The following COG5 variants were observed in gnomAD, a reference collection of about 807,000 sequenced individuals.
The protein encoded by COG5 is conserved oligomeric Golgi complex subunit 5.
COG5 carries 86 observed loss-of-function variants against 110.4 expected under a neutral mutation model. The ratio of observed to expected loss-of-function variants is 0.78; its 90% CI spans 0.65 to 0.93. The LOEUF is 0.93. Among genes scored for constraint, COG5 ranks in the 40% least tolerant of loss-of-function variants. The pLI, the probability that COG5 is intolerant of heterozygous loss-of-function variation, is 0.00. For synonymous variants in COG5, 360 were observed against 334.6 expected, an observed-to-expected ratio of 1.08 and a Z score of -0.83; for missense variants, 1,077 against 987.0, an observed-to-expected ratio of 1.09 and a Z score of -1.22.
At chr7:107,529,387 T>C (rs1161340680) in intron 5 of COG5, among the ~76,000 whole-genome samples, 1 of 152,240 alleles carries the variant, frequency 6.6e-6, no homozygotes, top group African/African-American at 2.4e-5. Flanking sequence ...CATTTCCTGA[T>C]GGTCCACGCC....
intron 10 of COG5, among the ~76,000 whole-genome samples, chr7:107,332,938 A>C (rs1291685688): frequency 1.3e-5 from 2 of 152,198 alleles, no homozygotes; most frequent in Non-Finnish European, 2.9e-5. Context: ...CCTGAAAAAG[A>C]AGCAGACACC....
rs182157680 is a variant in COG5, at chr7:107,236,752, C to T, written c.1854-65G>A. ...TAAATCACACTCTTTGATTTTGTAC[C>T]CCTCTCCCCACCAATGCTGCTATTT... is the stretch of plus-strand genomic sequence containing the variant. On this transcript the variant is annotated intron_variant, in intron 17 of 21. Coordinates refer to ENST00000297135, the MANE Select transcript of COG5 (RefSeq NM_006348.5). The T allele has an allele frequency of 3.0e-4, 298 of 1,008,882 alleles. 1 individual carries two copies. In the African/African-American group the frequency reaches 4.2e-3, roughly 14 times the overall value. 62.5% of individuals were successfully genotyped at this position (1,008,882 alleles called of 1,614,324 possible). A position where few individuals can be genotyped will look rare whatever the true frequency, so the allele number is the denominator to read the frequency against.
At chr7:107,373,263 G>T (rs1346305041) in intron 7 of COG5, among the ~76,000 whole-genome samples, 2 of 152,118 alleles carry the variant, frequency 1.3e-5, no homozygotes, top group East Asian at 3.8e-4. Flanking sequence ...AGCTCTGAGT[G>T]CTGGAAAAAC....
At chr7:107,295,066 C>CACACATATATATAT (rs1366898060) in intron 12 of COG5, among the ~76,000 whole-genome samples, 9 of 45,838 alleles carry the variant, frequency 2.0e-4, no homozygotes, top group South Asian at 1.0e-3. Flanking sequence ...CACACACACA[C>CACACATATATATAT]ATATATATAT....
At chr7:107,261,133 G>A (rs1803308579) in intron 14 of COG5, among the ~76,000 whole-genome samples, 1 of 152,088 alleles carries the variant, frequency 6.6e-6, no homozygotes, top group South Asian at 2.1e-4. Flanking sequence ...TTTATATCCT[G>A]TGAATAGGGT....
chr7:107,374,491 C>A (rs891986883), intron 7 of COG5, among the ~76,000 whole-genome samples: 3 of 152,032 alleles, frequency 2.0e-5, no homozygotes, highest in Non-Finnish European at 4.4e-5. Flanking sequence ...GTGTTATCAG[C>A]TGAATGTACG....
intron 7 of COG5, among the ~76,000 whole-genome samples, chr7:107,402,957 C>T (rs569359563): frequency 6.3e-4 from 96 of 152,260 alleles, no homozygotes; most frequent in African/African-American, 2.2e-3. Flanking sequence ...GAAACAATAG[C>T]TCCTCCATAT....
intron 6 of COG5, among the ~76,000 whole-genome samples, chr7:107,419,416 A>G (rs922641110): frequency 2.0e-5 from 3 of 152,104 alleles, no homozygotes; most frequent in Non-Finnish European, 2.9e-5. Context: ...CCTTTAAAGA[A>G]TGAATGAATT....
intron 10 of COG5, among the ~76,000 whole-genome samples, chr7:107,359,964 G>A (rs1309539638): frequency 1.3e-5 from 2 of 152,178 alleles, no homozygotes; most frequent in Non-Finnish European, 2.9e-5. Context: ...ACTGAGGGCT[G>A]CACAGGTGGC....
chr7:107,297,917 T>C (rs1806896980), intron 12 of COG5, among the ~76,000 whole-genome samples: 1 of 152,162 alleles, frequency 6.6e-6, no homozygotes, highest in Non-Finnish European at 1.5e-5. Flanking sequence ...AGTGTTACAC[T>C]TTAAAATTGA....
At chr7:107,391,740 C>A (rs766174460) in intron 7 of COG5, among the ~76,000 whole-genome samples, 3 of 152,154 alleles carry the variant, frequency 2.0e-5, no homozygotes, top group Non-Finnish European at 4.4e-5. Context: ...TCCCAAGTGA[C>A]ATATACACAC....
intron 6 of COG5, among the ~76,000 whole-genome samples, chr7:107,487,150 A>G (rs1797702355): frequency 6.6e-6 from 1 of 152,204 alleles, no homozygotes; most frequent in African/African-American, 2.4e-5. Flanking sequence ...AAACACATTT[A>G]CAACCTATGT....
intron 6 of COG5, among the ~76,000 whole-genome samples, chr7:107,417,480 G>A (rs1792941731): frequency 1.3e-5 from 2 of 152,052 alleles, no homozygotes; most frequent in African/African-American, 2.4e-5. Context: ...TTCAGTTTAA[G>A]ATGGAATATT....
intron 5 of COG5, among the ~76,000 whole-genome samples, chr7:107,528,394 T>A (rs1800932611): frequency 6.6e-6 from 1 of 152,204 alleles, no homozygotes; most frequent in Admixed American, 6.5e-5. Context: ...TGGTGATTTT[T>A]AATCACTAAT....
chr7:107,323,319 A>T (rs919374817), intron 11 of COG5, among the ~76,000 whole-genome samples: 1 of 152,166 alleles, frequency 6.6e-6, no homozygotes, highest in Non-Finnish European at 1.5e-5. Context: ...ATTTGAGGTC[A>T]GGAGTTCGAG....
At chr7:107,517,701 CTT>C (rs1300279189) in intron 6 of COG5, among the ~76,000 whole-genome samples, 11 of 142,802 alleles carry the variant, frequency 7.7e-5, no homozygotes, top group African/African-American at 7.7e-5. Context: ...TTCAACATTC[CTT>C]TTTTTTTTTT....
chr7:107,553,814 C>G (rs564153748), intron 3 of COG5, among the ~76,000 whole-genome samples: 4 of 152,286 alleles, frequency 2.6e-5, no homozygotes, highest in African/African-American at 9.6e-5. Flanking sequence ...CACTACTAGT[C>G]ACTCTGGTAT....
intron 11 of COG5, among the ~76,000 whole-genome samples, chr7:107,299,785 C>T (rs543793864): frequency 7.0e-6 from 1 of 142,610 alleles, no homozygotes; most frequent in Admixed American, 7.3e-5. Context: ...AAGTATAATA[C>T]ATCATGACCA....
chr7:107,317,987 G>T (rs1012061948), intron 11 of COG5, among the ~76,000 whole-genome samples: 1 of 151,984 alleles, frequency 6.6e-6, no homozygotes, highest in Non-Finnish European at 1.5e-5. Context: ...ATGGTTAAAG[G>T]CTTGAAATTT....
Sources: allele counts gnomAD v4.1 joint callset (sites outside exome capture counted in the v4.1 genomes callset), GRCh38; gene constraint gnomAD v4.1.1; transcripts MANE v1.5; gene names NCBI Gene and HGNC (gene_info 2026-07-23, HGNC 2026-07-21).